The following GNA12 variants were observed in gnomAD, a reference collection of about 807,000 sequenced individuals.
GNA12 encodes the protein guanine nucleotide-binding protein subunit alpha-12.
GNA12 carries 9 observed loss-of-function variants against 26.0 expected under a neutral mutation model. The ratio of observed to expected loss-of-function variants is 0.35; its 90% CI spans 0.21 to 0.60. GNA12 has a LOEUF of 0.60. GNA12 is among the 20% of genes least tolerant of loss of function. The probability of loss-of-function intolerance (pLI) is 0.78; values close to 1 mark genes in which losing one functional copy is unlikely to be tolerated. For missense variants in GNA12, 405 were observed against 525.8 expected, an observed-to-expected ratio of 0.77 and a Z score of 2.25; for synonymous variants, 264 against 219.6, an observed-to-expected ratio of 1.20 and a Z score of -1.79.
At chr7:2,770,072 G>A (rs1791910562) in intron 2 of GNA12, among the ~76,000 whole-genome samples, 1 of 152,168 alleles carries the variant, frequency 6.6e-6, no homozygotes, top group South Asian at 2.1e-4. Context: ...TCAAGCTATA[G>A]ACTGGCCTGG....
chr7:2,735,735 C>T (rs1447754006), intron 2 of GNA12, among the ~76,000 whole-genome samples: 2 of 152,168 alleles, frequency 1.3e-5, no homozygotes, highest in African/African-American at 2.4e-5. Flanking sequence ...CTGTGACTCT[C>T]GGTCATCTTG....
chr7:2,793,284 G>A (rs1354813636), intron 2 of GNA12, among the ~76,000 whole-genome samples: 2 of 144,958 alleles, frequency 1.4e-5, no homozygotes, highest in Non-Finnish European at 3.0e-5. Flanking sequence ...AGACAGGAGC[G>A]CGAGAGGAAG....
Position 2,731,877 on chromosome 7 carries a change from C to G in GNA12, c.577-127G>C. 1.9e-6 allele frequency: 1 copy of G among 531,876 alleles called. No individual in the cohort carries two copies. The highest frequency in any genetic ancestry group is 2.9e-5 in the East Asian group (1 of 34,592). The allele number at this position is 531,876 out of a possible 1,614,324, so 32.9% of individuals were successfully genotyped here. A position where few individuals can be genotyped will look rare whatever the true frequency, so the allele number is the denominator to read the frequency against. ...TTTTGCAACAGGTTGAACCAGAAAC[C>G]AAAAGCAAATTTCATTTATAACATT... On this transcript the variant is annotated intron_variant, in intron 3 of 3. Transcript: ENST00000275364. This position sits in a 1 kb window ranked among gnomAD's most constrained non-coding sequence, Gnocchi z 6.0.
chr7:2,767,987 TGGGACTACG>T (rs1291146942), intron 2 of GNA12, among the ~76,000 whole-genome samples: 1 of 152,236 alleles, frequency 6.6e-6, no homozygotes, highest in Non-Finnish European at 1.5e-5. Context: ...CTTGTGTAGC[TGGGACTACG>T]GGCACATGCC....
chr7:2,737,273 TGTTTTTTTTTTTTTTG>T (rs1240262619), intron 2 of GNA12, among the ~76,000 whole-genome samples: 17,149 of 84,134 alleles, frequency 0.2, 1,665 homozygotes, highest in Non-Finnish European at 0.25. Context: ...AGTTTTGTTT[TGTTTTTTTTTTTTTTG>T]TTTTTTTTTT....
At chr7:2,824,888 A>G (rs1793448922) in intron 1 of GNA12, among the ~76,000 whole-genome samples, 1 of 152,186 alleles carries the variant, frequency 6.6e-6, no homozygotes, top group African/African-American at 2.4e-5. Context: ...TCTGCATTTG[A>G]ACAGCATGGC....
chr7:2,844,058 T>A lies in GNA12; in HGVS notation c.104A>T (p.Glu35Val). ...GATGTCGCGGCTACGCCTCCGGGCC[T>A]CGCGCTCCGCGTCGCGCGCGCCGCT... ...AGSGARDAER[E>V]ARRRSRDIDA... The change falls in exon 1 of 4, where the codon GAG (glutamate) becomes GTG (valine). Residue 35 changes from glutamate (E) to valine (V), a missense_variant. Transcript: ENST00000275364. 8.4e-7 allele frequency: 1 copy of A among 1,195,360 alleles called. No homozygotes were observed. The highest frequency in any genetic ancestry group is 1.0e-6 in the Non-Finnish European group (1 of 963,522). 74.0% of individuals were successfully genotyped at this position (1,195,360 alleles called of 1,614,324 possible). A position where few individuals can be genotyped will look rare whatever the true frequency, so the allele number is the denominator to read the frequency against.
intron 1 of GNA12, among the ~76,000 whole-genome samples, chr7:2,820,545 A>G (rs1020188048): frequency 1.3e-5 from 2 of 152,094 alleles, no homozygotes; most frequent in African/African-American, 2.4e-5. Context: ...AATAAAAAAT[A>G]AAATTAAAAA....
chr7:2,745,095 GC>G (rs1790701354), intron 2 of GNA12, among the ~76,000 whole-genome samples: 1 of 152,234 alleles, frequency 6.6e-6, no homozygotes, highest in African/African-American at 2.4e-5. Context: ...AAAACACTCT[GC>G]AGGATATTAT....
chr7:2,805,622 C>T (rs1792927820), intron 1 of GNA12, among the ~76,000 whole-genome samples: 2 of 152,242 alleles, frequency 1.3e-5, no homozygotes, highest in South Asian at 2.1e-4. Flanking sequence ...ACGCAGCTTA[C>T]AGCAGGCACG....
intron 1 of GNA12, among the ~76,000 whole-genome samples, chr7:2,842,321 T>A (rs1779021378): frequency 6.8e-6 from 1 of 146,824 alleles, no homozygotes; most frequent in African/African-American, 2.6e-5. Flanking sequence ...ATGGTTCTTT[T>A]ATTTTTTTTC....
At chr7:2,811,657 G>A (rs1241254305) in intron 1 of GNA12, among the ~76,000 whole-genome samples, 3 of 152,220 alleles carry the variant, frequency 2.0e-5, no homozygotes, top group Non-Finnish European at 2.9e-5. Context: ...AACCAGAAGC[G>A]CTTCCCCTGA....
chr7:2,732,000 G>C lies in GNA12; in HGVS notation c.577-250C>G, dbSNP rs1487122171. On this transcript the variant is annotated intron_variant, in intron 3 of 3. Coordinates refer to ENST00000275364, the MANE Select transcript of GNA12 (RefSeq NM_007353.3). This position sits in a 1 kb window ranked among gnomAD's most constrained non-coding sequence, Gnocchi z 6.0. ...CGAATGCTCAGAACACTCGTGGGCA[G>C]GCCCAGCGCAAAACCACATCCATTT... Among the ~76,000 whole-genome samples, 1 of 152,180 alleles carries C rather than the reference G, an allele frequency of 6.6e-6. No individual in the cohort carries two copies. The highest frequency in any genetic ancestry group is 1.5e-5 in the Non-Finnish European group (1 of 68,032).
Position 2,814,751 on chromosome 7 carries a change from T to TG in GNA12, c.310-19609_310-19608insC. ...CATATAACGGCCTTCCACAGAAGTTTATCAGCCTGTCCAACACACATCCTA... is the reference window on the plus strand; with the variant it reads ...CATATAACGGCCTTCCACAGAAGTTTGATCAGCCTGTCCAACACACATCCTA... On this transcript the variant is annotated intron_variant, in intron 1 of 3. Transcript: ENST00000275364. 4 of 864,212 alleles carry TG rather than the reference T, an allele frequency of 4.6e-6. No individual in the cohort carries two copies. The South Asian group carries it at 6.5e-5, about 14-fold the overall frequency. The allele number at this position is 864,212 out of a possible 1,614,324, so 53.5% of individuals were successfully genotyped here. A position where few individuals can be genotyped will look rare whatever the true frequency, so the allele number is the denominator to read the frequency against.
chr7:2,828,407 G>T (rs1793530599), intron 1 of GNA12, among the ~76,000 whole-genome samples: 1 of 152,220 alleles, frequency 6.6e-6, no homozygotes, highest in Non-Finnish European at 1.5e-5. Flanking sequence ...GGGCTGGAGT[G>T]AAGTGGCACG....
chr7:2,780,199 T>C (rs999809571), intron 2 of GNA12, among the ~76,000 whole-genome samples: 1 of 151,292 alleles, frequency 6.6e-6, no homozygotes, highest in Non-Finnish European at 1.5e-5. Context: ...TAGAGAGTTC[T>C]CTCTCAGCTT....
At chr7:2,789,924 G>A (rs889822999) in intron 2 of GNA12, among the ~76,000 whole-genome samples, 2 of 152,246 alleles carry the variant, frequency 1.3e-5, no homozygotes, top group African/African-American at 2.4e-5. Context: ...GCTACCGCCT[G>A]TGTCAGTTTT....
intron 1 of GNA12, among the ~76,000 whole-genome samples, chr7:2,834,487 ATATGCAC>A (rs1778772334): frequency 6.6e-6 from 1 of 152,202 alleles, no homozygotes; most frequent in South Asian, 2.1e-4. Flanking sequence ...GGGCTCTGCA[ATATGCAC>A]TGAATATCCC....
rs913174483 is a variant in GNA12, at chr7:2,731,992, C to T, written c.577-242G>A. ...TCTGAGGACGAATGCTCAGAACACTCGTGGGCAGGCCCAGCGCAAAACCAC... is the reference window on the plus strand; with the variant it reads ...TCTGAGGACGAATGCTCAGAACACTTGTGGGCAGGCCCAGCGCAAAACCAC... On this transcript the variant is annotated intron_variant, in intron 3 of 3. Coordinates refer to ENST00000275364, the MANE Select transcript of GNA12 (RefSeq NM_007353.3). The surrounding 1 kb of genome is among the most constrained non-coding windows in gnomAD (Gnocchi z 6.0). Among the ~76,000 whole-genome samples the T allele has an allele frequency of 3.3e-5, 5 of 152,204 alleles. 1 individual carries two copies. In the East Asian group the frequency reaches 9.6e-4, roughly 29 times the overall value.
Sources: gnomAD v4.1 joint callset for allele counts (sites outside exome capture counted in the v4.1 genomes callset) on GRCh38, gnomAD v4.1.1 for gene constraint, Gnocchi (gnomAD v3.1) non-coding constraint, MANE v1.5 for transcripts, NCBI Gene and HGNC (gene_info 2026-07-23, HGNC 2026-07-21) for gene names.